ANKRD36: variants seen among roughly 807,000 people sequenced by gnomAD.
ANKRD36 encodes ankyrin repeat domain 36, also known as ankyrin repeat domain-containing protein 36A.
In ANKRD36, 179 loss-of-function variants were observed where a neutral mutation model predicts 278.1. That is an observed-to-expected ratio of 0.64 (90% CI 0.57 to 0.73). The LOEUF (loss-of-function observed/expected upper bound fraction) is 0.73. Among genes scored for constraint, ANKRD36 ranks in the 30% least tolerant of loss-of-function variants. The probability of loss-of-function intolerance (pLI) is 0.00; values close to 1 mark genes in which losing one functional copy is unlikely to be tolerated. For missense variants in ANKRD36, 1,159 were observed against 1,956.7 expected (o/e 0.59, Z 7.69); for synonymous variants, 320 against 641.1 (o/e 0.50, Z 7.57).
In ANKRD36 at chr2:97,240,986, T is replaced by G. The variant is rs1244265911; in HGVS notation, c.4094-280T>G. ...CTTATGCAATCACATAACTATGTTTTTTTTTTTTTTTTTTTTTTTTTTTTT... is the reference window on the plus strand; with the variant it reads ...CTTATGCAATCACATAACTATGTTTGTTTTTTTTTTTTTTTTTTTTTTTTT... On this transcript the variant is annotated intron_variant, in intron 68 of 75. Coordinates refer to ENST00000420699, the MANE Select transcript of ANKRD36 (RefSeq NM_001354587.1). Among the ~76,000 whole-genome samples the G allele has an allele frequency of 3.7e-4, 10 of 26,822 alleles. No individual in the cohort carries two copies. In the East Asian group the frequency reaches 0.011, roughly 29 times the overall value. 17.6% of individuals were successfully genotyped at this position (26,822 alleles called of 152,430 possible).
In ANKRD36 at chr2:97,155,955, A is replaced by T. The variant is rs184422348; in HGVS notation, c.1260+1214A>T. On this transcript the variant is annotated intron_variant, in intron 15 of 75. Transcript: ENST00000420699. The stretch of plus-strand genomic sequence containing the variant: ...CCTAAGATATCTAATAATTAAATCT[A>T]TTAAATGTCTTGAATGTTCTGAATT... Among the ~76,000 whole-genome samples the T allele has an allele frequency of 8.8e-3, 1,284 of 146,466 alleles. 179 individuals are homozygous for T. The highest frequency in any genetic ancestry group is 0.015 in the Non-Finnish European group (968 of 64,814).
At chr2:97,211,383 GT>G (rs1400342304) in intron 56 of ANKRD36, among the ~76,000 whole-genome samples, 162 bp from the exon 57 acceptor site, 1 of 151,846 alleles carries the variant, frequency 6.6e-6, no homozygotes, top group Non-Finnish European at 1.5e-5. Flanking sequence ...CCTTTTTTCA[GT>G]GTATTTCTGT....
intron 75 of ANKRD36, among the ~76,000 whole-genome samples, chr2:97,250,621 C>G (rs1334521300): frequency 8.3e-6 from 1 of 120,664 alleles, no homozygotes; most frequent in Non-Finnish European, 1.5e-5. Flanking sequence ...TTTTAAATCT[C>G]TAGTCATTGA....
At chr2:97,231,862 G>C (rs1304500538) in intron 67 of ANKRD36, among the ~76,000 whole-genome samples, 5 of 152,096 alleles carry the variant, frequency 3.3e-5, no homozygotes, top group Non-Finnish European at 7.3e-5. Context: ...TCATTAGTTA[G>C]TAATATTAGG....
In ANKRD36 at chr2:97,189,102, A is replaced by C. The variant is rs2058030354; in HGVS notation, c.2159A>C (p.Gln720Pro). The C allele has an allele frequency of 2.6e-6, 2 of 759,376 alleles. 1 individual carries two copies. Among genetic ancestry groups the C allele is most frequent in the Non-Finnish European group, 4.5e-6 (2 of 447,686 alleles). 47.0% of individuals were successfully genotyped at this position (759,376 alleles called of 1,614,324 possible). The change falls in exon 33 of 76, where the codon CAA (glutamine) becomes CCA (proline). Residue 720 changes from glutamine to proline, a missense_variant. Gln to Pro is a moderately conservative substitution (Grantham distance 76). Coordinates refer to ENST00000420699, the MANE Select transcript of ANKRD36 (RefSeq NM_001354587.1). ...TGCTTTTCAGTGTCTTCTCAGAAGC[A>C]ACCAGCCTTGAAGGTAATTAAACTC... The part of the protein sequence containing the change: ...EKSGTVSSQK[Q>P]PALKATTDEE...
At chr2:97,184,018 A>G (rs548511826) in intron 28 of ANKRD36, among the ~76,000 whole-genome samples, 2 of 151,802 alleles carry the variant, frequency 1.3e-5, no homozygotes, top group African/African-American at 4.8e-5. Context: ...TGGTACTGCT[A>G]AAACCAGAGG....
intron 6 of ANKRD36, among the ~76,000 whole-genome samples, chr2:97,137,457 AT>A (rs922319977): frequency 4.0e-5 from 6 of 148,952 alleles, no homozygotes; most frequent in South Asian, 2.2e-4. Flanking sequence ...AGCCTGCATG[AT>A]TTTTTTTTTA....
At position 97,200,308 on chromosome 2, in the gene ANKRD36, G is replaced by A. The variant is rs755867856; in HGVS notation, c.2756-26G>A. ...AATTTTATCATGTTTACATGTGAGT[G>A]ATTATGTATCCCTTTTGCTTTTCAG... On this transcript the variant is annotated intron_variant, in intron 44 of 75. Coordinates refer to ENST00000420699, the MANE Select transcript of ANKRD36 (RefSeq NM_001354587.1). 3.1e-6 allele frequency: 5 copies of A among 1,607,286 alleles called. No homozygotes were observed. The South Asian group carries it at 4.4e-5, about 14-fold the overall frequency.
intron 30 of ANKRD36, among the ~76,000 whole-genome samples, chr2:97,186,803 A>T (rs1394544032): frequency 6.6e-6 from 1 of 151,860 alleles, no homozygotes; most frequent in Non-Finnish European, 1.5e-5. Context: ...ATAATGGCGT[A>T]AATCATTTGG....
At chr2:97,196,264 C>G (rs1432110150) in intron 40 of ANKRD36, among the ~76,000 whole-genome samples, 1 of 151,998 alleles carries the variant, frequency 6.6e-6, no homozygotes, top group Non-Finnish European at 1.5e-5. Context: ...CATTGATTCT[C>G]AGGAGTGTGA....
At chr2:97,164,605 T>C (rs565836794) in intron 20 of ANKRD36, 136 bp downstream of exon 20, 1 of 983,300 alleles carries the variant, frequency 1.0e-6, no homozygotes, top group African/African-American at 1.6e-5. Context: ...TTCTTGTTAA[T>C]ATCTTTGTTT....
At chr2:97,156,922 G>A (rs1392465188) in intron 15 of ANKRD36, among the ~76,000 whole-genome samples, 1 of 151,958 alleles carries the variant, frequency 6.6e-6, no homozygotes, top group Non-Finnish European at 1.5e-5. Context: ...TCTAACAGGT[G>A]TGAGATGGTA....
chr2:97,133,879 T>A (rs2040810658), intron 6 of ANKRD36, among the ~76,000 whole-genome samples: 1 of 151,974 alleles, frequency 6.6e-6, no homozygotes, highest in Non-Finnish European at 1.5e-5. Flanking sequence ...ATCTCCCACC[T>A]GAGTGGTACA....
In ANKRD36 at chr2:97,217,639, C is replaced by T. The variant is rs374351842; in HGVS notation, c.3775+267C>T. 2.1e-4 allele frequency among the ~76,000 whole-genome samples: 32 copies of T among 152,188 alleles called. 6 individuals carry two copies. Among genetic ancestry groups the T allele is most frequent in the Admixed American group, 3.9e-4 (6 of 15,268 alleles). ...TTCAAGACATAAGAGATAAGAGGAT[C>T]CGGGGACAGCATAATTTTGCTCTTA... On this transcript the variant is annotated intron_variant, in intron 64 of 75. Transcript: ENST00000420699.
At chr2:97,164,616 A>T (rs201521831) in intron 20 of ANKRD36, 147 bp downstream of exon 20, 1 of 996,652 alleles carries the variant, frequency 1.0e-6, no homozygotes, top group Non-Finnish European at 1.5e-6. Context: ...ATCTTTGTTT[A>T]TAAAATGATT....
chr2:97,196,725 G>A lies in ANKRD36; in HGVS notation c.2590G>A (p.Asp864Asn), dbSNP rs2059871060. 6.4e-7 allele frequency: 1 copy of A among 1,560,850 alleles called. No individual in the cohort carries two copies. The highest frequency in any genetic ancestry group is 8.7e-7 in the Non-Finnish European group (1 of 1,155,774). ...QKPPTLKGTS[D>N]EEDSVLGIAR... is the part of the protein sequence containing the mutation. The stretch of plus-strand genomic sequence containing the variant: ...TTCAAATTCCATTCAGGGTACAAGT[G>A]ACGAGGAAGATTCTGTTTTGGGTAT... Residue 864 changes from aspartate (D) to asparagine (N), a missense_variant, in exon 42 of 76, where the codon GAC (aspartate) becomes AAC (asparagine). Physicochemically the swap from Asp to Asn is conservative, Grantham distance 23 (BLOSUM62 1). Coordinates refer to ENST00000420699, the MANE Select transcript of ANKRD36 (RefSeq NM_001354587.1).
chr2:97,190,650 C>G (rs564617772), intron 34 of ANKRD36, among the ~76,000 whole-genome samples: 13 of 151,594 alleles, frequency 8.6e-5, no homozygotes, highest in East Asian at 2.0e-4. Context: ...TTGATTCTCA[C>G]GTGTATGAGT....
At position 97,113,416 on chromosome 2, in the gene ANKRD36, G is replaced by A. The variant is rs2153392792; in HGVS notation, c.-324G>A. The A allele has an allele frequency of 2.5e-6, 1 of 399,096 alleles. No individual in the cohort carries two copies. Among genetic ancestry groups the A allele is most frequent in the East Asian group, 6.4e-5 (1 of 15,632 alleles). The allele number at this position is 399,096 out of a possible 1,614,324, so 24.7% of individuals were successfully genotyped here. On this transcript the variant is annotated 5_prime_UTR_variant, in exon 1 of 76. Transcript: ENST00000420699. ...AGAGCGCGCGGGCGACAGTTAAACA[G>A]GCCCTGGGGCAGGGCGCGCCTCGCG...
intron 38 of ANKRD36, 43 bp from the exon 39 acceptor site, chr2:97,194,683 C>G (rs1575625998): frequency 1.9e-6 from 3 of 1,600,718 alleles, no homozygotes; most frequent in East Asian, 4.5e-5. Context: ...ATAACTTTAT[C>G]ATATTTACAT....
Sources: allele counts gnomAD v4.1 joint callset (sites outside exome capture counted in the v4.1 genomes callset), GRCh38; gene constraint gnomAD v4.1.1; transcripts MANE v1.5; gene names NCBI Gene and HGNC (gene_info 2026-07-23, HGNC 2026-07-21).